Variants in FKBP15 observed in about 807,000 individuals in gnomAD.
FKBP15 encodes the protein FKBP prolyl isomerase family member 15, also known as FK506-binding protein 15.
A neutral mutation model predicts 158.1 loss-of-function variants in FKBP15; 106 were observed. The observed-to-expected ratio is 0.67, with a 90% confidence interval of 0.57 to 0.79. The LOEUF (loss-of-function observed/expected upper bound fraction) is 0.79. Ranked by LOEUF, FKBP15 falls within the 30% of genes least tolerant of loss-of-function variation. The pLI, the probability that FKBP15 is intolerant of heterozygous loss-of-function variation, is 0.00. For missense variants in FKBP15, 1,287 were observed against 1,479.1 expected, an observed-to-expected ratio of 0.87 and a Z score of 2.13; for synonymous variants, 547 against 548.6, an observed-to-expected ratio of 1.00 and a Z score of 0.04.
chr9:113,181,285 G>C (rs1016478527), intron 19 of FKBP15, among the ~76,000 whole-genome samples: 1 of 152,128 alleles, frequency 6.6e-6, no homozygotes, highest in African/African-American at 2.4e-5. Context: ...AAAACATTTG[G>C]GTAGATTATT....
At chr9:113,206,651 T>TG in intron 3 of FKBP15, 73 bp from the exon 4 acceptor site, 6 of 1,087,236 alleles carry the variant, frequency 5.5e-6, no homozygotes, top group Non-Finnish European at 8.2e-6. Flanking sequence ...TTTTCTGTCA[T>TG]ACAGAAGTGG....
At chr9:113,187,562 C>A (rs192277885) in intron 14 of FKBP15, 15 of 511,236 alleles carry the variant, frequency 2.9e-5, no homozygotes, top group Middle Eastern at 5.2e-4. Flanking sequence ...ATCTTTACTA[C>A]GTTGTACTAG....
At chr9:113,206,291 T>C (rs1193595723) in intron 4 of FKBP15, 7 of 564,042 alleles carry the variant, frequency 1.2e-5, no homozygotes, top group Non-Finnish European at 2.2e-5. Context: ...ATCACAAAGG[T>C]CAAATTTAAC....
chr9:113,217,844 AAAAT>A (rs767809340), intron 1 of FKBP15, among the ~76,000 whole-genome samples: 9 of 152,112 alleles, frequency 5.9e-5, no homozygotes, highest in African/African-American at 1.2e-4. Flanking sequence ...CTGTCTCAAA[AAAAT>A]AAATAAATAA....
At position 113,163,826 on chromosome 9, in the gene FKBP15, T is replaced by C. The variant is rs989905670; in HGVS notation, c.*2252A>G. The C allele has an allele frequency of 6.6e-6, 1 of 152,652 alleles. No homozygotes were observed. Among genetic ancestry groups the C allele is most frequent in the Non-Finnish European group, 1.5e-5 (1 of 68,048 alleles). 9.5% of individuals were successfully genotyped at this position (152,652 alleles called of 1,614,324 possible). A position where few individuals can be genotyped will look rare whatever the true frequency, so the allele number is the denominator to read the frequency against. On this transcript the variant is annotated 3_prime_UTR_variant, in exon 28 of 28. Transcript: ENST00000238256. ...AAAAGCTGCATCTAATAATGTTCAA[T>C]ACTTAATATTCTCTATTTATTACTT...
intron 23 of FKBP15, among the ~76,000 whole-genome samples, chr9:113,173,241 C>T (rs954976980): frequency 1.3e-5 from 2 of 152,150 alleles, no homozygotes; most frequent in African/African-American, 4.8e-5. Flanking sequence ...AAACATGTTC[C>T]GGAACACTAG....
In FKBP15 at chr9:113,211,332, TA is replaced by T. The variant is rs551957225; in HGVS notation, c.169+144del. On this transcript the variant is annotated intron_variant, in intron 2 of 27. Coordinates refer to ENST00000238256, the MANE Select transcript of FKBP15 (RefSeq NM_015258.2). Reference sequence around the variant, plus strand: ...CGCCACCACACCTGGCTAATTTTTGTATTTTTTTTAGAGATGGGGTTTTGCC... The same window carrying T: ...CGCCACCACACCTGGCTAATTTTTGTTTTTTTTTAGAGATGGGGTTTTGCC... The T allele has an allele frequency of 3.0e-5, 17 of 572,488 alleles. 1 individual carries two copies. In the East Asian group the frequency reaches 5.2e-4, roughly 17 times the overall value. 35.5% of individuals were successfully genotyped at this position (572,488 alleles called of 1,614,324 possible).
chr9:113,211,649 T>C (rs200280007), intron 1 of FKBP15, 57 bp from the exon 2 acceptor site: 43 of 1,306,512 alleles, frequency 3.3e-5, no homozygotes, highest in Non-Finnish European at 4.4e-5. Context: ...CCTGGAATTA[T>C]TATAAAAGCT....
At chr9:113,171,798 C>CTTTTT in intron 23 of FKBP15, 92 bp from the exon 24 acceptor site, 1 of 834,330 alleles carries the variant, frequency 1.2e-6, no homozygotes, top group East Asian at 3.4e-5. Context: ...CATCAAGTCT[C>CTTTTT]TTTTTTTTTT....
chr9:113,202,509 AG>A lies in FKBP15; in HGVS notation c.498+21del, dbSNP rs1564179726. 2.6e-6 allele frequency: 4 copies of A among 1,518,978 alleles called. No homozygotes were observed. In the Admixed American group the frequency reaches 5.8e-5, roughly 22 times the overall value. 94.1% of individuals were successfully genotyped at this position (1,518,978 alleles called of 1,614,324 possible). A position where few individuals can be genotyped will look rare whatever the true frequency, so the allele number is the denominator to read the frequency against. On this transcript the variant is annotated intron_variant, in intron 6 of 27. Transcript: ENST00000238256. ...CCAAACAAGTATTTTGGCTTTTCAC[AG>A]GGAGAGTAAGATGTTATCACCTGCT...
chr9:113,176,378 A>G (rs1339901263), intron 21 of FKBP15, among the ~76,000 whole-genome samples, 159 bp downstream of exon 21: 2 of 152,252 alleles, frequency 1.3e-5, no homozygotes, highest in Non-Finnish European at 2.9e-5. Flanking sequence ...TGTCACCTTC[A>G]ATGTATGAGA....
intron 26 of FKBP15, 145 bp from the exon 27 acceptor site, chr9:113,168,701 A>C: frequency 1.4e-6 from 1 of 699,270 alleles, no homozygotes; most frequent in Non-Finnish European, 2.4e-6. Context: ...CGCTGCCACC[A>C]TCTCTTCCCA....
chr9:113,161,026 A>T lies in FKBP15; in HGVS notation c.*5052T>A, dbSNP rs1045381942. 2 of 152,806 alleles carry T rather than the reference A, an allele frequency of 1.3e-5. No homozygotes were observed. The highest frequency in any genetic ancestry group is 1.3e-4 in the Admixed American group (2 of 15,282). The allele number at this position is 152,806 out of a possible 1,614,324, so 9.5% of individuals were successfully genotyped here. ...CTTGATAGTTTTGGTAAAATAATTT[A>T]TTGGGTTTTTCCCCTATTATAAAAG... On this transcript the variant is annotated 3_prime_UTR_variant, in exon 28 of 28. Coordinates refer to ENST00000238256, the MANE Select transcript of FKBP15 (RefSeq NM_015258.2).
chr9:113,194,450 TAA>T (rs540298480), intron 9 of FKBP15, among the ~76,000 whole-genome samples: 33 of 144,994 alleles, frequency 2.3e-4, no homozygotes, highest in African/African-American at 7.3e-4. Flanking sequence ...ATAAATAAAT[TAA>T]AAAAAAAAAA....
chr9:113,168,244 G>A (rs1458301179), intron 27 of FKBP15, among the ~76,000 whole-genome samples: 1 of 152,036 alleles, frequency 6.6e-6, no homozygotes, highest in East Asian at 1.9e-4. Flanking sequence ...CAGAGACTAT[G>A]ATTCTTTCTC....
chr9:113,166,996 A>C (rs1830108790), intron 27 of FKBP15, among the ~76,000 whole-genome samples: 1 of 152,212 alleles, frequency 6.6e-6, no homozygotes, highest in Non-Finnish European at 1.5e-5. Context: ...AAGGGAAGGC[A>C]GCGTGATGTG....
chr9:113,194,060 A>G lies in FKBP15; in HGVS notation c.974T>C (p.Val325Ala), dbSNP rs774288357. ...GADNLSADPV[V>A]SPPTSIPFKS... ...GAAAGGTATTGATGTGGGTGGTGAC[A>G]CAACAGGATCAGCAGAGAGGTTGTC... Residue 325 changes from valine to alanine, a missense_variant, in exon 10 of 28, where the codon GTG becomes GCG. Transcript: ENST00000238256. The G allele has an allele frequency of 8.9e-5, 144 of 1,613,292 alleles. No homozygotes were observed. The highest frequency in any genetic ancestry group is 1.2e-4 in the Non-Finnish European group (136 of 1,179,462).
At chr9:113,188,559 C>T (rs1193697428) in intron 12 of FKBP15, 68 bp from the exon 13 acceptor site, 2 of 1,295,646 alleles carry the variant, frequency 1.5e-6, no homozygotes, top group African/African-American at 2.9e-5. Context: ...GGCTGACTGT[C>T]TGCCCTAAAC....
At chr9:113,195,438 C>A (rs1830657211) in intron 9 of FKBP15, among the ~76,000 whole-genome samples, 1 of 152,090 alleles carries the variant, frequency 6.6e-6, no homozygotes. Context: ...TATCACCAGC[C>A]ATGATTTCTT....
Sources: allele counts gnomAD v4.1 joint callset (sites outside exome capture counted in the v4.1 genomes callset), GRCh38; gene constraint gnomAD v4.1.1; transcripts MANE v1.5; gene names NCBI Gene and HGNC (gene_info 2026-07-23, HGNC 2026-07-21).